P3H2: variants seen among roughly 807,000 people sequenced by gnomAD.
P3H2 encodes leprecan-like 1.
Under a neutral mutation model 87.0 loss-of-function variants are expected in P3H2, and 80 were observed. The ratio of observed to expected loss-of-function variants is 0.92; its 90% CI spans 0.77 to 1.11. P3H2 has a LOEUF of 1.11. P3H2 is among the 50% of genes least tolerant of loss of function. The pLI is 0.00. For missense variants in P3H2, 1,001 were observed against 923.9 expected (o/e 1.08, Z -1.08); for synonymous variants, 367 against 359.3 (o/e 1.02, Z -0.24).
At chr3:190,017,757 C>A (rs1312987383) in intron 1 of P3H2, among the ~76,000 whole-genome samples, 2 of 152,200 alleles carry the variant, frequency 1.3e-5, no homozygotes, top group African/African-American at 4.8e-5. Flanking sequence ...AAAACCTCTA[C>A]AATCTATTTC....
intron 1 of P3H2, among the ~76,000 whole-genome samples, chr3:190,049,556 T>C (rs141989341): frequency 5.9e-5 from 9 of 152,350 alleles, no homozygotes; most frequent in Admixed American, 2.0e-4. Context: ...TTAAGAATTG[T>C]AGTTTTCTTG....
In P3H2 at chr3:190,062,639, AC is replaced by A. The variant is rs569050747; in HGVS notation, c.480+57612del. On this transcript the variant is annotated intron_variant, in intron 1 of 14. Transcript: ENST00000319332. ...GTATAAGCATTGCGTTTTGAAATAA[AC>A]CCAGACTTCCTTTGTTGGAATCCCA... Among the ~76,000 whole-genome samples, 19 of 152,190 alleles carry A rather than the reference AC, an allele frequency of 1.2e-4. 1 individual carries two copies. The South Asian group carries it at 3.7e-3, about 30-fold the overall frequency.
chr3:190,022,063 A>T (rs1228705445), intron 1 of P3H2, among the ~76,000 whole-genome samples: 1 of 135,480 alleles, frequency 7.4e-6, no homozygotes, highest in Non-Finnish European at 1.7e-5. Flanking sequence ...ATGTACAATG[A>T]CATTAGCCTC....
At position 190,022,643 on chromosome 3, in the gene P3H2, C is replaced by A. The variant is rs1166155636; in HGVS notation, c.481-27201G>T. Among the ~76,000 whole-genome samples, 2 of 85,934 alleles carry A rather than the reference C, an allele frequency of 2.3e-5. 1 individual carries two copies. Among genetic ancestry groups the A allele is most frequent in the African/African-American group, 6.8e-5 (2 of 29,348 alleles). 56.4% of individuals were successfully genotyped at this position (85,934 alleles called of 152,430 possible). On this transcript the variant is annotated intron_variant, in intron 1 of 14. Coordinates refer to ENST00000319332, the MANE Select transcript of P3H2 (RefSeq NM_018192.4). Reference sequence around the variant, plus strand: ...AGAGGGTTTCTAAATAGATCAAAACCCCAAATGCCTTCAGAGGCGAGGCAG... The same window carrying A: ...AGAGGGTTTCTAAATAGATCAAAACACCAAATGCCTTCAGAGGCGAGGCAG...
At chr3:190,077,227 T>C (rs566308356) in intron 1 of P3H2, among the ~76,000 whole-genome samples, 2 of 152,316 alleles carry the variant, frequency 1.3e-5, no homozygotes, top group African/African-American at 4.8e-5. Context: ...ACAGCAGACC[T>C]GGTCTCCTAG....
At chr3:189,989,140 C>T (rs1577257364) in intron 3 of P3H2, 102 bp from the exon 4 acceptor site, 1 of 1,355,462 alleles carries the variant, frequency 7.4e-7, no homozygotes, top group Non-Finnish European at 1.0e-6. Context: ...CCTCACCACA[C>T]TGGAAGACCA....
chr3:190,041,057 C>T (rs1348167313), intron 1 of P3H2, among the ~76,000 whole-genome samples: 7,424 of 44,616 alleles, frequency 0.17, 1,083 homozygotes, highest in African/African-American at 0.38. Context: ...CACACACACA[C>T]ACACACACAC....
chr3:190,039,195 A>T (rs1000154301), intron 1 of P3H2, among the ~76,000 whole-genome samples: 6 of 151,006 alleles, frequency 4.0e-5, no homozygotes, highest in African/African-American at 1.5e-4. Flanking sequence ...ATCTCAAAAA[A>T]AAAAATAAAA....
chr3:190,001,241 C>A (rs78916356), intron 1 of P3H2, among the ~76,000 whole-genome samples: 2 of 152,114 alleles, frequency 1.3e-5, no homozygotes, highest in Admixed American at 6.5e-5. Flanking sequence ...TTGTAAGGCA[C>A]GTGCAACAAA....
At chr3:189,965,842 C>T (rs1722958550) in intron 13 of P3H2, among the ~76,000 whole-genome samples, 1 of 151,426 alleles carries the variant, frequency 6.6e-6, no homozygotes, top group Non-Finnish European at 1.5e-5. Flanking sequence ...AAAAATTAGC[C>T]AGATGTGTTG....
Position 189,957,432 on chromosome 3 carries a change from G to T in P3H2, c.*480C>A. 5.7e-6 allele frequency: 2 copies of T among 351,970 alleles called. No homozygotes were observed. Among genetic ancestry groups the T allele is most frequent in the East Asian group, 4.4e-5 (1 of 22,966 alleles). The allele number at this position is 351,970 out of a possible 1,614,324, so 21.8% of individuals were successfully genotyped here. On this transcript the variant is annotated 3_prime_UTR_variant, in exon 15 of 15. Transcript: ENST00000319332. ...TTCTCTCTAAGCTTTTGAATTTGCA[G>T]CAACTTAATTGTGTGTGTGTGTGTG... is the stretch of plus-strand genomic sequence containing the variant.
chr3:190,038,838 GA>G, intron 1 of P3H2, among the ~76,000 whole-genome samples: 1 of 152,324 alleles, frequency 6.6e-6, no homozygotes, highest in Non-Finnish European at 1.5e-5. Flanking sequence ...AAGTTTTAAA[GA>G]ATAAACTGCA....
intron 8 of P3H2, among the ~76,000 whole-genome samples, chr3:189,978,658 CA>C (rs1434629529): frequency 6.8e-6 from 1 of 147,752 alleles, no homozygotes; most frequent in East Asian, 2.2e-4. Flanking sequence ...GTACATTTAA[CA>C]AAAACGACCC....
At chr3:190,084,132 T>C (rs1250668371) in intron 1 of P3H2, among the ~76,000 whole-genome samples, 1 of 150,590 alleles carries the variant, frequency 6.6e-6, no homozygotes, top group African/African-American at 2.4e-5. Flanking sequence ...AGAAAGGACC[T>C]GAATCTACAC....
chr3:190,117,986 T>C (rs560829636), intron 1 of P3H2, among the ~76,000 whole-genome samples: 23 of 152,338 alleles, frequency 1.5e-4, no homozygotes, highest in African/African-American at 5.5e-4. Flanking sequence ...CACGGATCTT[T>C]GAAAGAACTT....
Position 190,036,426 on chromosome 3 carries a change from C to T in P3H2, c.481-40984G>A, listed in dbSNP as rs138723943. On this transcript the variant is annotated intron_variant, in intron 1 of 14. Transcript: ENST00000319332. Reference sequence around the variant, plus strand: ...TTATTTTGCACCTTAGAATTTTGTGCAAATGACTATGCCTTAATAATTAAT... The same window carrying T: ...TTATTTTGCACCTTAGAATTTTGTGTAAATGACTATGCCTTAATAATTAAT... 1.0e-3 allele frequency among the ~76,000 whole-genome samples: 152 copies of T among 152,278 alleles called. 2 individuals carry two copies. The East Asian group carries it at 0.026, about 26-fold the overall frequency.
At chr3:189,988,782 T>C in intron 4 of P3H2, 125 bp downstream of exon 4, 7 of 1,213,414 alleles carry the variant, frequency 5.8e-6, no homozygotes, top group Non-Finnish European at 8.6e-6. Context: ...AGAGAAGAAA[T>C]GCATAAATTC....
chr3:190,031,277 GA>G (rs1381333433), intron 1 of P3H2, among the ~76,000 whole-genome samples: 1 of 151,954 alleles, frequency 6.6e-6, no homozygotes, highest in Non-Finnish European at 1.5e-5. Flanking sequence ...ATAAAATGAA[GA>G]AAAATAAGAC....
At chr3:190,116,234 T>C (rs1181912168) in intron 1 of P3H2, among the ~76,000 whole-genome samples, 1 of 152,186 alleles carries the variant, frequency 6.6e-6, no homozygotes, top group Non-Finnish European at 1.5e-5. Context: ...TTTGAACATG[T>C]AGAAGAGGAA....
Sources: gnomAD v4.1 joint callset for allele counts (sites outside exome capture counted in the v4.1 genomes callset) on GRCh38, gnomAD v4.1.1 for gene constraint, MANE v1.5 for transcripts, NCBI Gene and HGNC (gene_info 2026-07-23, HGNC 2026-07-21) for gene names.